SH3BGRL2: variants seen among roughly 807,000 people sequenced by gnomAD.
SH3BGRL2 encodes the protein SH3 domain binding glutamate rich protein like 2.
SH3BGRL2 carries 21 observed loss-of-function variants against 14.8 expected under a neutral mutation model. The observed-to-expected ratio is 1.42, with a 90% CI of 1.01 to 2.05. The LOEUF (loss-of-function observed/expected upper bound fraction) is 2.05, where lower values mean the gene tolerates loss of function less well. Among genes scored for constraint, SH3BGRL2 ranks in the 30% most tolerant of loss-of-function variants. The probability of loss-of-function intolerance (pLI) is 0.00; values close to 1 mark genes in which losing one functional copy is unlikely to be tolerated. For missense variants in SH3BGRL2, 147 were observed against 130.8 expected (o/e 1.12, Z -0.61); for synonymous variants, 50 against 47.8 (o/e 1.05, Z -0.19).
the SH3BGRL2 span, among the ~76,000 whole-genome samples, chr6:79,613,051 G>C: frequency 3.3e-5 from 5 of 152,304 alleles, no homozygotes; most frequent in South Asian, 2.1e-4. Context: ...GTTGTCCACT[G>C]TGGAATGCCA....
chr6:79,542,865 G>A, the SH3BGRL2 span, among the ~76,000 whole-genome samples: 493 of 152,108 alleles, frequency 3.2e-3, 2 homozygotes, highest in Non-Finnish European at 6.3e-3. Flanking sequence ...CTCCCACCCC[G>A]CAAAACCATA....
chr6:79,662,559 C>T (rs886919072), intron 1 of SH3BGRL2, among the ~76,000 whole-genome samples: 1 of 152,160 alleles, frequency 6.6e-6, no homozygotes, highest in East Asian at 1.9e-4. Context: ...CCCGACCTTT[C>T]TCTCTGGCCG....
chr6:79,627,316 G>T (rs1389898375), upstream of SH3BGRL2, among the ~76,000 whole-genome samples: 1 of 152,186 alleles, frequency 6.6e-6, no homozygotes, highest in Non-Finnish European at 1.5e-5. Context: ...GCTGCAATAG[G>T]TCATGCCGGG....
intron 2 of SH3BGRL2, among the ~76,000 whole-genome samples, chr6:79,681,400 C>CT (rs1429299051): frequency 6.6e-6 from 1 of 151,930 alleles, no homozygotes; most frequent in Non-Finnish European, 1.5e-5. Flanking sequence ...TATGTTAAAG[C>CT]TTTTTACTAG....
At chr6:79,677,941 G>A (rs1034546035) in intron 2 of SH3BGRL2, among the ~76,000 whole-genome samples, 1 of 152,118 alleles carries the variant, frequency 6.6e-6, no homozygotes, top group African/African-American at 2.4e-5. Context: ...AAAGCTCTGG[G>A]CCTCATGGCC....
chr6:79,612,173 G>T, the SH3BGRL2 span, among the ~76,000 whole-genome samples: 2 of 151,848 alleles, frequency 1.3e-5, no homozygotes, highest in Non-Finnish European at 2.9e-5. Context: ...GGGGTTGGGG[G>T]GCCTGTAATC....
At chr6:79,661,007 T>C (rs1239894492) in intron 1 of SH3BGRL2, among the ~76,000 whole-genome samples, 1 of 152,200 alleles carries the variant, frequency 6.6e-6, no homozygotes, top group African/African-American at 2.4e-5. Context: ...TTTTATTGCA[T>C]CTATTTGATT....
chr6:79,572,622 C>T, the SH3BGRL2 span, among the ~76,000 whole-genome samples: 4 of 152,074 alleles, frequency 2.6e-5, no homozygotes, highest in African/African-American at 7.2e-5. Context: ...CCCGCCACCA[C>T]GCCCGGCTAA....
At chr6:79,585,310 T>G in the SH3BGRL2 span, among the ~76,000 whole-genome samples, 2 of 152,168 alleles carry the variant, frequency 1.3e-5, no homozygotes, top group Non-Finnish European at 2.9e-5. Context: ...AATGGTGAAC[T>G]AATTTTTAAA....
the SH3BGRL2 span, among the ~76,000 whole-genome samples, chr6:79,613,034 C>T: frequency 1.3e-5 from 2 of 152,286 alleles, no homozygotes; most frequent in African/African-American, 4.8e-5. Context: ...TCCCCAGGGG[C>T]CCTTGGGTTG....
chr6:79,625,943 G>T, the SH3BGRL2 span, among the ~76,000 whole-genome samples: 1 of 152,282 alleles, frequency 6.6e-6, no homozygotes, highest in Non-Finnish European at 1.5e-5. Flanking sequence ...AACAGCCAAA[G>T]GTGCTGACTC....
intron 1 of SH3BGRL2, among the ~76,000 whole-genome samples, chr6:79,638,567 A>G (rs551325033): frequency 8.5e-5 from 13 of 152,258 alleles, no homozygotes; most frequent in African/African-American, 3.1e-4. Flanking sequence ...GCTTCCCACC[A>G]GCAGTATATG....
At chr6:79,539,730 G>T in the SH3BGRL2 span, among the ~76,000 whole-genome samples, 48,484 of 152,034 alleles carry the variant, frequency 0.32, 8,776 homozygotes, top group East Asian at 0.81. Context: ...TTGAATGGTT[G>T]GTTAGAAGTT....
At chr6:79,661,103 TG>T (rs1435772680) in intron 1 of SH3BGRL2, among the ~76,000 whole-genome samples, 2 of 152,204 alleles carry the variant, frequency 1.3e-5, no homozygotes, top group African/African-American at 4.8e-5. Context: ...ATTGATTTTT[TG>T]AAGGCTTTTT....
At chr6:79,588,684 A>C in the SH3BGRL2 span, among the ~76,000 whole-genome samples, 1 of 152,224 alleles carries the variant, frequency 6.6e-6, no homozygotes, top group Non-Finnish European at 1.5e-5. Flanking sequence ...TTAATGAAGA[A>C]AAGAACAAAT....
the SH3BGRL2 span, among the ~76,000 whole-genome samples, chr6:79,563,967 A>C: frequency 6.6e-6 from 1 of 152,218 alleles, no homozygotes; most frequent in African/African-American, 2.4e-5. Flanking sequence ...AAAGCTGTGC[A>C]ATCAGGCTAT....
the SH3BGRL2 span, among the ~76,000 whole-genome samples, chr6:79,538,853 T>C: frequency 6.6e-6 from 1 of 152,236 alleles, no homozygotes; most frequent in African/African-American, 2.4e-5. Context: ...GGTATTGTTA[T>C]TCATTGTTTA....
the SH3BGRL2 span, among the ~76,000 whole-genome samples, chr6:79,557,609 T>G: frequency 4.2e-3 from 643 of 152,280 alleles, 2 homozygotes; most frequent in African/African-American, 0.015. Context: ...CAATATCATG[T>G]AATAGTCTTC....
At chr6:79,550,873 C>T in the SH3BGRL2 span, among the ~76,000 whole-genome samples, 1 of 152,142 alleles carries the variant, frequency 6.6e-6, no homozygotes, top group East Asian at 1.9e-4. Context: ...ACTTCAGTCT[C>T]GTAATCATGG....
Sources: allele counts gnomAD v4.1 joint callset (sites outside exome capture counted in the v4.1 genomes callset), GRCh38; gene constraint gnomAD v4.1.1; transcripts MANE v1.5; gene names NCBI Gene and HGNC (gene_info 2026-07-23, HGNC 2026-07-21).